Variants in INTS4 observed in about 807,000 individuals in gnomAD.
INTS4 encodes the protein MSTP093.
A neutral mutation model predicts 119.5 loss-of-function variants in INTS4; 70 were observed. That is an observed-to-expected ratio of 0.59 (90% CI 0.48 to 0.71). INTS4 has a LOEUF of 0.71. INTS4 is among the 30% of genes least tolerant of loss of function. The pLI, the probability that INTS4 is intolerant of heterozygous loss-of-function variation, is 0.00. For synonymous variants in INTS4, 316 were observed against 419.6 expected, an observed-to-expected ratio of 0.75 and a Z score of 3.02; for missense variants, 867 against 1,173.2, an observed-to-expected ratio of 0.74 and a Z score of 3.81.
Position 77,939,877 on chromosome 11 carries a change from A to G in INTS4, c.991-1052T>C, listed in dbSNP as rs184677987. On this transcript the variant is annotated intron_variant, in intron 9 of 22. Transcript: ENST00000534064. ...AAAAAAAAACAAAACAAACAAACAA[A>G]CAAAAAAACCATGCACAAGAAAAAG... Among the ~76,000 whole-genome samples the G allele has an allele frequency of 2.3e-4, 35 of 152,132 alleles. No homozygotes were observed. The East Asian group carries it at 2.7e-3, about 12-fold the overall frequency.
intron 15 of INTS4, among the ~76,000 whole-genome samples, chr11:77,914,227 C>T (rs1356313636): frequency 3.3e-5 from 5 of 152,132 alleles, no homozygotes; most frequent in Non-Finnish European, 5.9e-5. Flanking sequence ...GTGATCTGGC[C>T]GGCCACTGCC....
chr11:77,927,650 T>C (rs940838818), intron 11 of INTS4, among the ~76,000 whole-genome samples: 7 of 152,058 alleles, frequency 4.6e-5, no homozygotes, highest in Admixed American at 3.9e-4. Context: ...AAACAACTTA[T>C]TTTTTTCTCT....
At chr11:77,958,134 G>A (rs1376582145) in intron 7 of INTS4, among the ~76,000 whole-genome samples, 2 of 151,696 alleles carry the variant, frequency 1.3e-5, no homozygotes, top group African/African-American at 4.8e-5. Context: ...ATTCATTCTG[G>A]TTTTCAAATT....
intron 12 of INTS4, among the ~76,000 whole-genome samples, chr11:77,923,840 C>T (rs946533835): frequency 2.0e-5 from 3 of 150,218 alleles, no homozygotes; most frequent in East Asian, 2.0e-4. Flanking sequence ...TCTCGGCTCA[C>T]TGCAACCTCT....
intron 8 of INTS4, among the ~76,000 whole-genome samples, chr11:77,951,767 G>A (rs1398906309): frequency 6.6e-6 from 1 of 152,066 alleles, no homozygotes; most frequent in South Asian, 2.1e-4. Flanking sequence ...CTACTCATCC[G>A]ACAAAGGGCT....
intron 15 of INTS4, among the ~76,000 whole-genome samples, chr11:77,910,767 T>C (rs1299612263): frequency 7.2e-5 from 11 of 152,100 alleles, no homozygotes; most frequent in South Asian, 4.2e-4. Context: ...GCAACTACTA[T>C]TACCAGTTTC....
At position 77,878,865 on chromosome 11, in the gene INTS4, T is replaced by C. The variant is rs193256096; in HGVS notation, c.*84A>G. 9 of 966,254 alleles carry C rather than the reference T, an allele frequency of 9.3e-6. No homozygotes were observed. In the East Asian group the frequency reaches 1.7e-4, roughly 18 times the overall value. 59.9% of individuals were successfully genotyped at this position (966,254 alleles called of 1,614,324 possible). On this transcript the variant is annotated 3_prime_UTR_variant, in exon 23 of 23. Coordinates refer to ENST00000534064, the MANE Select transcript of INTS4 (RefSeq NM_033547.4). Reference sequence around the variant, plus strand: ...CATACTCCTTAAGCCTACACATCAATTCCAGGTGAAGTGCTTCAGGCTTGG... The same window carrying C: ...CATACTCCTTAAGCCTACACATCAACTCCAGGTGAAGTGCTTCAGGCTTGG...
At position 77,878,768 on chromosome 11, in the gene INTS4, T is replaced by C. The variant is rs758541667; in HGVS notation, c.*181A>G. On this transcript the variant is annotated 3_prime_UTR_variant, in exon 23 of 23. Coordinates refer to ENST00000534064, the MANE Select transcript of INTS4 (RefSeq NM_033547.4). ...TGGACAGGAGAAGGGTAAGTAGACT[T>C]GAAGGTTTTTTATTTTTTAATGAAG... 1.4e-6 allele frequency: 1 copy of C among 693,566 alleles called. No homozygotes were observed. Among genetic ancestry groups the C allele is most frequent in the South Asian group, 1.6e-5 (1 of 64,498 alleles). The allele number at this position is 693,566 out of a possible 1,614,324, so 43.0% of individuals were successfully genotyped here.
At chr11:77,921,188 T>G (rs1293515481) in intron 14 of INTS4, 152 bp downstream of exon 14, 1 of 708,136 alleles carries the variant, frequency 1.4e-6, no homozygotes, top group African/African-American at 1.8e-5. Context: ...CCCAGTGACT[T>G]GGGAGGCTGA....
chr11:77,906,033 A>C (rs1363922632), intron 16 of INTS4, among the ~76,000 whole-genome samples: 2 of 152,128 alleles, frequency 1.3e-5, no homozygotes, highest in Non-Finnish European at 2.9e-5. Context: ...AATATCTTTA[A>C]ATTTTTTAAA....
At chr11:77,874,803 G>A (rs890358973), downstream of INTS4, among the ~76,000 whole-genome samples, 37 of 152,118 alleles carry the variant, frequency 2.4e-4, no homozygotes, top group Admixed American at 2.2e-3. Context: ...TTGGGAGGCC[G>A]AGGTGGGCAG....
intron 2 of INTS4, among the ~76,000 whole-genome samples, chr11:77,984,607 T>C (rs1271282882): frequency 6.6e-6 from 1 of 151,288 alleles, no homozygotes; most frequent in Non-Finnish European, 1.5e-5. Flanking sequence ...ATGAAAAGAG[T>C]TCTGGAGATG....
At chr11:77,924,502 G>A (rs1953446985) in intron 12 of INTS4, 1 of 433,702 alleles carries the variant, frequency 2.3e-6, no homozygotes, top group Non-Finnish European at 4.3e-6. Flanking sequence ...TTGGTGCATA[G>A]TCAGCACACA....
Position 77,928,502 on chromosome 11 carries a change from G to A in INTS4, c.1211C>T (p.Ser404Phe), listed in dbSNP as rs1953566057. The A allele has an allele frequency of 1.2e-6, 2 of 1,601,878 alleles. No individual in the cohort carries two copies. Among genetic ancestry groups the A allele is most frequent in the African/African-American group, 1.3e-5 (1 of 74,524 alleles). The change falls in exon 11 of 23, where the codon TCT becomes TTT. Residue 404 changes from serine (S) to phenylalanine (F), a missense_variant. Transcript: ENST00000534064. The stretch of plus-strand genomic sequence containing the variant: ...GCACTTCTCAGCAAAAGAGGGTGAA[G>A]ACTGGGCCAACATGCAGAGGGCCTC... ...AVEALCMLAQ[S>F]SPSFAEKCLD...
At chr11:77,932,243 AAAAC>A (rs1485386082) in intron 10 of INTS4, among the ~76,000 whole-genome samples, 4 of 151,940 alleles carry the variant, frequency 2.6e-5, no homozygotes, top group South Asian at 2.1e-4. Flanking sequence ...AAATTTCCAA[AAAAC>A]AAAACAAAAC....
chr11:77,934,566 C>T (rs962183099), intron 10 of INTS4, among the ~76,000 whole-genome samples: 3 of 151,818 alleles, frequency 2.0e-5, no homozygotes, highest in Non-Finnish European at 4.4e-5. Context: ...ACTGTTGTTA[C>T]ATTGCCATTG....
chr11:77,957,503 T>G (rs1485930008), intron 7 of INTS4, among the ~76,000 whole-genome samples: 2 of 149,164 alleles, frequency 1.3e-5, no homozygotes, highest in African/African-American at 5.0e-5. Flanking sequence ...TAAGCCGAGA[T>G]CACATCACTG....
Position 77,990,838 on chromosome 11 carries a change from G to A in INTS4, c.246+270C>T, listed in dbSNP as rs113500272. Among the ~76,000 whole-genome samples, 556 of 152,200 alleles carry A rather than the reference G, an allele frequency of 3.7e-3. 3 individuals are homozygous for A. Among genetic ancestry groups the A allele is most frequent in the African/African-American group, 0.013 (531 of 41,540 alleles). On this transcript the variant is annotated intron_variant, in intron 2 of 22. Transcript: ENST00000534064. ...TTTACTCCTCTTTTGTGCTTCCACT[G>A]TACTCTGCACATACTGCACTCACAG...
chr11:77,971,005 A>T (rs1218661762), intron 4 of INTS4, among the ~76,000 whole-genome samples: 4 of 151,854 alleles, frequency 2.6e-5, no homozygotes, highest in Non-Finnish European at 4.4e-5. Context: ...ACACGGTTTC[A>T]TCATGTTGGC....
Sources: gnomAD v4.1 joint callset for allele counts (sites outside exome capture counted in the v4.1 genomes callset) on GRCh38, gnomAD v4.1.1 for gene constraint, MANE v1.5 for transcripts, NCBI Gene and HGNC (gene_info 2026-07-23, HGNC 2026-07-21) for gene names.